Variants in MBNL1 observed in about 807,000 individuals in gnomAD.
MBNL1 encodes the protein muscleblind like splicing regulator 1, also known as muscleblind-like protein 1.
MBNL1 carries 8 observed loss-of-function variants against 42.2 expected under a neutral mutation model. That is an observed-to-expected ratio of 0.19 (90% CI 0.11 to 0.34). MBNL1 has a LOEUF of 0.34. Among genes scored for constraint, MBNL1 ranks in the 10% least tolerant of loss-of-function variants. The pLI is 1.00. For missense variants in MBNL1, 309 were observed against 495.3 expected, an observed-to-expected ratio of 0.62 and a Z score of 3.57; for synonymous variants, 169 against 173.9, an observed-to-expected ratio of 0.97 and a Z score of 0.22.
chr3:152,303,232 G>A (rs1233237533), intron 2 of MBNL1, among the ~76,000 whole-genome samples: 4 of 152,092 alleles, frequency 2.6e-5, no homozygotes, highest in Non-Finnish European at 4.4e-5. Flanking sequence ...TAAGTAAAAT[G>A]GGAATACATG....
chr3:152,357,353 G>T (rs1322741867), intron 2 of MBNL1, among the ~76,000 whole-genome samples: 1 of 152,112 alleles, frequency 6.6e-6, no homozygotes, highest in Non-Finnish European at 1.5e-5. Context: ...TTTTCTTATC[G>T]CTAAAACAAA....
intron 2 of MBNL1, among the ~76,000 whole-genome samples, chr3:152,315,886 T>A (rs1158395474): frequency 2.0e-5 from 3 of 147,358 alleles, no homozygotes; most frequent in Admixed American, 2.0e-4. Flanking sequence ...TCTCTCTCTC[T>A]CACTCCTCTC....
chr3:152,380,301 G>A (rs1394346337), intron 2 of MBNL1, among the ~76,000 whole-genome samples: 3 of 152,102 alleles, frequency 2.0e-5, no homozygotes, highest in Non-Finnish European at 2.9e-5. Context: ...GAGAAAGAAA[G>A]TGGAGTATTT....
intron 1 of MBNL1, among the ~76,000 whole-genome samples, chr3:152,287,905 A>G (rs2053507370): frequency 6.6e-6 from 1 of 152,192 alleles, no homozygotes; most frequent in African/African-American, 2.4e-5. Context: ...ATGTGCAATT[A>G]AAATAATTAA....
intron 2 of MBNL1, among the ~76,000 whole-genome samples, chr3:152,381,996 G>A (rs1484447720): frequency 6.6e-6 from 1 of 152,028 alleles, no homozygotes; most frequent in Non-Finnish European, 1.5e-5. Flanking sequence ...GGTGTTTGGC[G>A]TCTTTCTCAA....
intron 2 of MBNL1, among the ~76,000 whole-genome samples, chr3:152,261,289 C>A (rs1186201189): frequency 6.6e-6 from 1 of 152,126 alleles, no homozygotes; most frequent in African/African-American, 2.4e-5. Flanking sequence ...AGCATGGGGT[C>A]ATAATTACCT....
intron 2 of MBNL1, among the ~76,000 whole-genome samples, chr3:152,325,034 T>C (rs757169989): frequency 2.2e-5 from 3 of 134,732 alleles, no homozygotes; most frequent in Non-Finnish European, 4.6e-5. Flanking sequence ...ATTAGCCACA[T>C]TGACCTGTGG....
intron 3 of MBNL1, among the ~76,000 whole-genome samples, chr3:152,420,189 G>A (rs1176682036): frequency 6.6e-6 from 1 of 152,206 alleles, no homozygotes; most frequent in African/African-American, 2.4e-5. Flanking sequence ...AGCTTCAGCA[G>A]ACTTAAATGT....
intron 4 of MBNL1, among the ~76,000 whole-genome samples, chr3:152,436,903 C>A (rs1036823717): frequency 6.6e-6 from 1 of 152,152 alleles, no homozygotes; most frequent in Non-Finnish European, 1.5e-5. Flanking sequence ...AGTGCAGCTT[C>A]CTGTCTTATT....
chr3:152,320,165 A>G (rs946492454), intron 2 of MBNL1, among the ~76,000 whole-genome samples: 4 of 152,184 alleles, frequency 2.6e-5, no homozygotes, highest in Admixed American at 6.6e-5. Flanking sequence ...CTTCCAGACT[A>G]TGACCAATAA....
intron 2 of MBNL1, among the ~76,000 whole-genome samples, chr3:152,247,941 T>C (rs1284586346): frequency 3.9e-5 from 6 of 151,950 alleles, no homozygotes; most frequent in African/African-American, 1.4e-4. Flanking sequence ...TGAACCAGTA[T>C]AAAATTTCAT....
intron 2 of MBNL1, among the ~76,000 whole-genome samples, chr3:152,311,565 A>C (rs1346738309): frequency 6.6e-6 from 1 of 151,980 alleles, no homozygotes; most frequent in Non-Finnish European, 1.5e-5. Flanking sequence ...CTAGGACTAA[A>C]ATTTCAGTAG....
At chr3:152,427,983 T>G (rs1580267698) in intron 3 of MBNL1, among the ~76,000 whole-genome samples, 2 of 151,870 alleles carry the variant, frequency 1.3e-5, no homozygotes, top group East Asian at 3.9e-4. Context: ...AAGATAAATA[T>G]CAGCCCCTGT....
chr3:152,417,762 A>T (rs1580001001), intron 3 of MBNL1, among the ~76,000 whole-genome samples: 1 of 152,358 alleles, frequency 6.6e-6, no homozygotes, highest in Middle Eastern at 3.4e-3. Context: ...CAAAGGAATC[A>T]TAACCAGCAC....
chr3:152,384,831 T>C (rs951089789), intron 2 of MBNL1, among the ~76,000 whole-genome samples: 1 of 152,152 alleles, frequency 6.6e-6, no homozygotes, highest in Non-Finnish European at 1.5e-5. Context: ...TGTCCGGAGT[T>C]TCTATTTCCA....
At position 152,344,017 on chromosome 3, in the gene MBNL1, A is replaced by C. The variant is rs147447507; in HGVS notation, c.174+43650A>C. Among the ~76,000 whole-genome samples the C allele has an allele frequency of 6.6e-3, 1,007 of 152,040 alleles. 13 individuals are homozygous for C. The highest frequency in any genetic ancestry group is 0.022 in the African/African-American group (919 of 41,460). On this transcript the variant is annotated intron_variant, in intron 2 of 9. Coordinates refer to ENST00000324210, the MANE Select transcript of MBNL1 (RefSeq NM_021038.5). ...TTGTATGTATGAACGTTAAGAACTT[A>C]CATGGATGATGGGGGAAGTAAGAGT...
At chr3:152,293,577 A>T (rs186423870) in intron 1 of MBNL1, among the ~76,000 whole-genome samples, 3 of 152,300 alleles carry the variant, frequency 2.0e-5, no homozygotes, top group Non-Finnish European at 4.4e-5. Context: ...ATCAACTCCA[A>T]ACTTACAGGG....
At chr3:152,244,320 G>A (rs759952466) in intron 1 of MBNL1, 2 of 152,070 alleles carry the variant, frequency 1.3e-5, no homozygotes, top group Non-Finnish European at 2.9e-5. Context: ...TCCTTTTGCA[G>A]AGGAAAAAAA....
chr3:152,318,461 A>G (rs1379742452), intron 2 of MBNL1, among the ~76,000 whole-genome samples: 1 of 152,212 alleles, frequency 6.6e-6, no homozygotes, highest in Non-Finnish European at 1.5e-5. Context: ...ATTAGTACAA[A>G]TAAAACTGCA....
Sources: gnomAD v4.1 joint callset for allele counts (sites outside exome capture counted in the v4.1 genomes callset) on GRCh38, gnomAD v4.1.1 for gene constraint, MANE v1.5 for transcripts, NCBI Gene and HGNC (gene_info 2026-07-23, HGNC 2026-07-21) for gene names.